The following LSM14A variants were observed in gnomAD, a reference collection of about 807,000 sequenced individuals.
LSM14A encodes protein LSM14 homolog A.
LSM14A carries 14 observed loss-of-function variants against 52.4 expected under a neutral mutation model. That is an observed-to-expected ratio of 0.27 (90% confidence interval 0.18 to 0.42). LSM14A has a LOEUF of 0.42. Among genes scored for constraint, LSM14A ranks in the 10% least tolerant of loss-of-function variants. The pLI, the probability that LSM14A is intolerant of heterozygous loss-of-function variation, is 1.00. For synonymous variants in LSM14A, 185 were observed against 200.3 expected (o/e 0.92, Z 0.64); for missense variants, 417 against 581.8 (o/e 0.72, Z 2.91).
chr19:34,207,558 G>A (rs1398877336), intron 3 of LSM14A, among the ~76,000 whole-genome samples: 1 of 147,372 alleles, frequency 6.8e-6, no homozygotes, highest in Non-Finnish European at 1.5e-5. Flanking sequence ...TTGAGACAGA[G>A]TCTCACTCTG....
chr19:34,226,318 C>T (rs1438274909), intron 9 of LSM14A: 2 of 1,063,180 alleles, frequency 1.9e-6, no homozygotes, highest in Non-Finnish European at 2.7e-6. Context: ...ATAATGCTCT[C>T]TCTCCTCTCC....
At chr19:34,179,961 C>T (rs1236988498) in intron 1 of LSM14A, among the ~76,000 whole-genome samples, 1 of 152,182 alleles carries the variant, frequency 6.6e-6, no homozygotes, top group Non-Finnish European at 1.5e-5. Context: ...AAGAGTCTCA[C>T]TCTGTTGCCC....
chr19:34,209,987 G>A (rs1196227345), intron 4 of LSM14A, among the ~76,000 whole-genome samples: 3 of 152,112 alleles, frequency 2.0e-5, no homozygotes, highest in Non-Finnish European at 4.4e-5. Flanking sequence ...CCAGTAGCTG[G>A]GGCTACAGCC....
chr19:34,173,021 T>C (rs2068814897), intron 1 of LSM14A, among the ~76,000 whole-genome samples: 1 of 152,192 alleles, frequency 6.6e-6, no homozygotes, highest in Non-Finnish European at 1.5e-5. Flanking sequence ...GGCCCTGAAG[T>C]CCGAGAACGG....
chr19:34,181,403 T>G (rs1010720122), intron 1 of LSM14A, among the ~76,000 whole-genome samples: 2 of 152,242 alleles, frequency 1.3e-5, no homozygotes, highest in African/African-American at 4.8e-5. Context: ...TGTTCATTCA[T>G]TTTTGAGCCC....
chr19:34,181,825 C>T (rs1191960927), intron 1 of LSM14A, among the ~76,000 whole-genome samples: 1 of 152,152 alleles, frequency 6.6e-6, no homozygotes, highest in Non-Finnish European at 1.5e-5. Flanking sequence ...CCTCTGAACT[C>T]CTGACTTGTA....
chr19:34,192,632 C>CAAAAAAAAAAAAAAAA (rs548374017), intron 1 of LSM14A, among the ~76,000 whole-genome samples: 3 of 76,950 alleles, frequency 3.9e-5, no homozygotes, highest in Admixed American at 1.8e-4. Flanking sequence ...ATCAGTTCTG[C>CAAAAAAAAAAAAAAAA]AAAAAAAAAA....
At chr19:34,180,974 A>C (rs1696327636) in intron 1 of LSM14A, among the ~76,000 whole-genome samples, 1 of 152,168 alleles carries the variant, frequency 6.6e-6, no homozygotes, top group African/African-American at 2.4e-5. Context: ...TCAGCCCCTT[A>C]ACCGTGCTTT....
At chr19:34,214,239 C>G (rs534134762) in intron 4 of LSM14A, among the ~76,000 whole-genome samples, 1 of 151,974 alleles carries the variant, frequency 6.6e-6, no homozygotes, top group South Asian at 2.1e-4. Context: ...TTTAATTACC[C>G]AAGCCCCTAA....
chr19:34,194,687 A>G, intron 2 of LSM14A, 46 bp downstream of exon 2: 1 of 1,585,224 alleles, frequency 6.3e-7, no homozygotes. Context: ...AACTCCGCAC[A>G]GGGTTAGCCT....
At chr19:34,221,454 G>A in intron 8 of LSM14A, 53 bp from the exon 9 acceptor site, 3 of 1,558,146 alleles carry the variant, frequency 1.9e-6, no homozygotes, top group Non-Finnish European at 2.6e-6. Flanking sequence ...TATTTTGGCT[G>A]AGGGATATTC....
In LSM14A at chr19:34,229,045, A is replaced by G. The variant is rs535150008; in HGVS notation, c.*1657A>G. The G allele has an allele frequency of 2.0e-5, 3 of 152,246 alleles. No homozygotes were observed. Among genetic ancestry groups the G allele is most frequent in the Non-Finnish European group, 4.4e-5 (3 of 68,054 alleles). 9.4% of individuals were successfully genotyped at this position (152,246 alleles called of 1,614,324 possible). A position where few individuals can be genotyped will look rare whatever the true frequency, so the allele number is the denominator to read the frequency against. On this transcript the variant is annotated 3_prime_UTR_variant, in exon 10 of 10. Coordinates refer to ENST00000544216, the MANE Select transcript of LSM14A (RefSeq NM_015578.4). ...AGGCATTCAGAGCATCAGAGCAAGT[A>G]CCATGGCAATACATGTGTAGACTGT...
At chr19:34,209,334 A>G (rs1427759568) in intron 4 of LSM14A, among the ~76,000 whole-genome samples, 3 of 152,220 alleles carry the variant, frequency 2.0e-5, no homozygotes, top group Non-Finnish European at 4.4e-5. Flanking sequence ...TAACACTTAA[A>G]TATATCAAAT....
chr19:34,188,783 T>C (rs987810401), intron 1 of LSM14A, among the ~76,000 whole-genome samples: 2 of 151,980 alleles, frequency 1.3e-5, no homozygotes, highest in African/African-American at 2.4e-5. Flanking sequence ...TGTATCAGCA[T>C]TGTGGTTTTT....
Position 34,204,927 on chromosome 19 carries a change from T to A in LSM14A, c.416-4002T>A, listed in dbSNP as rs1338245658. ...TGGGCAGATCGCTTGAGGTCAGGAG[T>A]TCAAGACCAGCCTGGTCAATGTGAT... On this transcript the variant is annotated intron_variant, in intron 3 of 9. Transcript: ENST00000544216. 3.3e-5 allele frequency among the ~76,000 whole-genome samples: 5 copies of A among 151,766 alleles called. No homozygotes were observed. The East Asian group carries it at 9.7e-4, about 29-fold the overall frequency.
At chr19:34,192,319 G>GTTTTTTTTTTGTTTTTTTTTTTTTTTTT (rs2070457878) in intron 1 of LSM14A, among the ~76,000 whole-genome samples, 1 of 53,410 alleles carries the variant, frequency 1.9e-5, no homozygotes, top group Non-Finnish European at 3.3e-5. Flanking sequence ...TCTTTTTGTT[G>GTTTTTTTTTTGTTTTTTTTTTTTTTTTT]TTTTTTTTTT....
intron 4 of LSM14A, among the ~76,000 whole-genome samples, chr19:34,214,070 A>G (rs1283189268): frequency 3.9e-5 from 6 of 152,142 alleles, no homozygotes; most frequent in Admixed American, 1.3e-4. Context: ...GGTGTGAGCA[A>G]CCGCGCCCAG....
At chr19:34,179,640 T>TA (rs2069331668) in intron 1 of LSM14A, among the ~76,000 whole-genome samples, 1 of 152,072 alleles carries the variant, frequency 6.6e-6, no homozygotes, top group Non-Finnish European at 1.5e-5. Flanking sequence ...AAGCCATGAT[T>TA]TTCTAAGTCG....
intron 2 of LSM14A, 53 bp from the exon 3 acceptor site, chr19:34,196,581 G>A (rs567385711): frequency 2.1e-5 from 32 of 1,495,790 alleles, no homozygotes; most frequent in South Asian, 1.1e-4. Flanking sequence ...TTTTTTTTTC[G>A]TTATATACAT....
Sources: gnomAD v4.1 joint callset for allele counts (sites outside exome capture counted in the v4.1 genomes callset) on GRCh38, gnomAD v4.1.1 for gene constraint, MANE v1.5 for transcripts, NCBI Gene and HGNC (gene_info 2026-07-23, HGNC 2026-07-21) for gene names.